Variants in EP400 observed in about 807,000 individuals in gnomAD.
EP400 encodes E1A-binding protein p400.
EP400 carries 105 observed loss-of-function variants against 354.1 expected under a neutral mutation model. The observed-to-expected ratio is 0.30, with a 90% confidence interval of 0.25 to 0.35. EP400 has a LOEUF of 0.35. EP400 is among the 10% of genes least tolerant of loss of function. The pLI is 1.00. For synonymous variants in EP400, 1,646 were observed against 1,716.9 expected, an observed-to-expected ratio of 0.96 and a Z score of 1.02; for missense variants, 3,280 against 4,121.0, an observed-to-expected ratio of 0.80 and a Z score of 5.59.
chr12:131,988,502 G>A (rs1892930826), intron 7 of EP400, among the ~76,000 whole-genome samples: 1 of 152,180 alleles, frequency 6.6e-6, no homozygotes, highest in African/African-American at 2.4e-5. Flanking sequence ...GCTGTCCTAG[G>A]CTTTCCTGCC....
Position 132,020,068 on chromosome 12 carries a change from T to C in EP400, c.4297T>C (p.Tyr1433His). Reference sequence around the variant, plus strand: ...ATCTAGGTTGTTTCAGCCTGTGCAGTATGGCCAGAAGCCCGAGGGTCGCAC... The same window carrying C: ...ATCTAGGTTGTTTCAGCCTGTGCAGCATGGCCAGAAGCCCGAGGGTCGCAC... ...KASRLFQPVQ[Y>H]GQKPEGRTVA... Residue 1433 changes from tyrosine (Y) to histidine (H), a missense_variant, in exon 22 of 53, where the codon TAT (tyrosine) becomes CAT (histidine). Physicochemically the swap from Tyr to His is moderately conservative, Grantham distance 83. Coordinates refer to ENST00000389561, the MANE Select transcript of EP400 (RefSeq NM_015409.5). The C allele has an allele frequency of 6.3e-7, 1 of 1,582,186 alleles. No individual in the cohort carries two copies. The highest frequency in any genetic ancestry group is 8.6e-7 in the Non-Finnish European group (1 of 1,163,464).
intron 51 of EP400, 127 bp from the exon 52 acceptor site, chr12:132,076,389 A>G (rs556415903): frequency 1.1e-6 from 1 of 929,074 alleles, no homozygotes; most frequent in South Asian, 1.4e-5. Flanking sequence ...CACTACGAGA[A>G]TTGCTCTTCT....
chr12:132,046,671 C>T (rs1314708844), intron 39 of EP400, among the ~76,000 whole-genome samples: 2 of 152,182 alleles, frequency 1.3e-5, no homozygotes, highest in African/African-American at 2.4e-5. Flanking sequence ...TACAGGCATG[C>T]GTGTGGCATG....
rs1896038436 is a variant in EP400 at position 132,070,602 on chromosome 12, A to G, written c.9021+961A>G. Among the ~76,000 whole-genome samples the G allele has an allele frequency of 6.6e-6, 1 of 152,242 alleles. No individual in the cohort carries two copies. Among genetic ancestry groups the G allele is most frequent in the African/African-American group, 2.4e-5 (1 of 41,462 alleles). The stretch of plus-strand genomic sequence containing the variant: ...TAGTTAGCTTAGTTCATACACTACA[A>G]TCAAAACTGCTGAAAGTTTTTATTA... On this transcript the variant is annotated intron_variant, in intron 51 of 52. Coordinates refer to ENST00000389561, the MANE Select transcript of EP400 (RefSeq NM_015409.5). The surrounding 1 kb of genome is among the most constrained non-coding windows in gnomAD (Gnocchi z 4.1).
At chr12:131,968,118 T>C (rs1428946973) in intron 2 of EP400, among the ~76,000 whole-genome samples, 1 of 152,234 alleles carries the variant, frequency 6.6e-6, no homozygotes, top group Non-Finnish European at 1.5e-5. Context: ...AAGTACAATT[T>C]ATCGTTTTTT....
intron 32 of EP400, among the ~76,000 whole-genome samples, chr12:132,039,354 C>T (rs977889000): frequency 6.6e-5 from 10 of 152,130 alleles, no homozygotes; most frequent in African/African-American, 2.4e-4. Context: ...AGACGGCTTC[C>T]ATGGTGGTGG....
At chr12:132,059,893 C>G (rs558134014) in intron 45 of EP400, among the ~76,000 whole-genome samples, 11 of 151,570 alleles carry the variant, frequency 7.3e-5, no homozygotes, top group Admixed American at 2.0e-4. Flanking sequence ...TGTGGTGGCA[C>G]GCGTGTGTAG....
At position 132,038,685 on chromosome 12, in the gene EP400, G is replaced by T. The variant is rs1486892322; in HGVS notation, c.6207+589G>T. On this transcript the variant is annotated intron_variant, in intron 32 of 52. Coordinates refer to ENST00000389561, the MANE Select transcript of EP400 (RefSeq NM_015409.5). This position sits in a 1 kb window ranked among gnomAD's most constrained non-coding sequence, Gnocchi z 4.2. ...GATAGAGGGCATGTTTGGGTCCTTT[G>T]ATTTTTCCCTTTTGGGGGTGCTGCT... Among the ~76,000 whole-genome samples, 1 of 152,246 alleles carries T rather than the reference G, an allele frequency of 6.6e-6. No individual in the cohort carries two copies. The highest frequency in any genetic ancestry group is 1.5e-5 in the Non-Finnish European group (1 of 68,042).
intron 30 of EP400, among the ~76,000 whole-genome samples, chr12:132,034,577 G>C (rs908767774): frequency 7.2e-5 from 11 of 152,220 alleles, no homozygotes; most frequent in African/African-American, 2.7e-4. Flanking sequence ...GCCCCACTAT[G>C]AGCCATGGGA....
Position 131,986,538 on chromosome 12 carries a change from G to A in EP400, c.1954G>A (p.Val652Met). Residue 652 changes from valine (V) to methionine (M), a missense_variant, in exon 6 of 53, where the codon GTG (valine) becomes ATG (methionine). By Grantham distance (21) the Val-to-Met change is conservative. Around this residue, in one of 20 missense-constraint regions of EP400, gnomAD observed 800 missense variants for 840.0 expected, o/e 0.95. Coordinates refer to ENST00000389561, the MANE Select transcript of EP400 (RefSeq NM_015409.5). Reference sequence around the variant, plus strand: ...GATGGTAGCATCGACAAGGCTCCCTGTGGACCCTGCCCCGCCCTGCCCACG... The same window carrying A: ...GATGGTAGCATCGACAAGGCTCCCTATGGACCCTGCCCCGCCCTGCCCACG... ...PQMVASTRLP[V>M]DPAPPCPRPL... 1.2e-6 allele frequency: 2 copies of A among 1,610,328 alleles called. No individual in the cohort carries two copies. Among genetic ancestry groups the A allele is most frequent in the South Asian group, 1.1e-5 (1 of 90,532 alleles).
rs753264340 is a variant in EP400, at chr12:131,960,805, G to A, written c.186G>A (p.Met62Ile). The A allele has an allele frequency of 2.5e-6, 4 of 1,612,950 alleles. No individual in the cohort carries two copies. The Admixed American group carries it at 6.7e-5, about 27-fold the overall frequency. Reference protein sequence around the residue: ...QSPSYQIQQLMNRSPATGQNV... With the variant: ...QSPSYQIQQLINRSPATGQNV... ...CCAGTTATCAAATACAGCAGCTGATGAATAGGAGCCCTGCAACCGGGCAGA... is the reference window on the plus strand; with the variant it reads ...CCAGTTATCAAATACAGCAGCTGATAAATAGGAGCCCTGCAACCGGGCAGA... The change falls in exon 2 of 53, where the codon ATG (methionine) becomes ATA (isoleucine). Residue 62 changes from methionine (M) to isoleucine (I), a missense_variant. Around this residue, in one of 20 missense-constraint regions of EP400, gnomAD observed 172 missense variants for 242.9 expected, o/e 0.71. Transcript: ENST00000389561.
Position 132,006,870 on chromosome 12 carries a change from T to C in EP400, c.3297T>C (p.Cys1099=). The C allele has an allele frequency of 1.9e-6, 3 of 1,613,938 alleles. No homozygotes were observed. Among genetic ancestry groups the C allele is most frequent in the Non-Finnish European group, 2.5e-6 (3 of 1,179,962 alleles). The change falls in exon 15 of 53, where the codon TGT becomes TGC. Residue 1099 remains cysteine, a synonymous_variant. Transcript: ENST00000389561. Reference sequence around the variant, plus strand: ...TTGCTTTTTTTGCCCACCTAGCTTGTAACGAAGGTAAGAGTTTGCTAGTTT... The same window carrying C: ...TTGCTTTTTTTGCCCACCTAGCTTGCAACGAAGGTAAGAGTTTGCTAGTTT... ...QIIAFFAHLA[C]NEGNWGPHLV...
At position 132,076,509 on chromosome 12, in the gene EP400, G is replaced by C. The variant is rs1221586605; in HGVS notation, c.9022-7G>C. The C allele has an allele frequency of 6.2e-7, 1 of 1,613,778 alleles. No homozygotes were observed. Among genetic ancestry groups the C allele is most frequent in the East Asian group, 2.2e-5 (1 of 44,880 alleles). ...TTGTATGTTTGGCTTTTTTTGTTTT[G>C]TCAAAGGTTGCAAAACTTCCTCAAG... On this transcript the variant is annotated splice_polypyrimidine_tract_variant and splice_region_variant and intron_variant, in intron 51 of 52. Coordinates refer to ENST00000389561, the MANE Select transcript of EP400 (RefSeq NM_015409.5).
chr12:132,011,276 C>T (rs1435451964), intron 15 of EP400, among the ~76,000 whole-genome samples: 1 of 152,214 alleles, frequency 6.6e-6, no homozygotes, highest in East Asian at 1.9e-4. Context: ...CTGGTGCAGG[C>T]TTGGTGCTTG....
At chr12:131,962,090 C>A in intron 2 of EP400, 136 bp downstream of exon 2, 1 of 1,205,052 alleles carries the variant, frequency 8.3e-7, no homozygotes, top group Non-Finnish European at 1.1e-6. Context: ...AAGGATTTGA[C>A]CCATAAGTAA....
intron 5 of EP400, among the ~76,000 whole-genome samples, chr12:131,983,135 A>T (rs1392841879): frequency 6.6e-6 from 1 of 152,152 alleles, no homozygotes; most frequent in Non-Finnish European, 1.5e-5. Flanking sequence ...GACCCATTCT[A>T]CCAGTGTGGA....
chr12:131,964,341 C>T (rs1892003179), intron 2 of EP400, among the ~76,000 whole-genome samples: 1 of 152,118 alleles, frequency 6.6e-6, no homozygotes, highest in East Asian at 1.9e-4. Context: ...GTGGTGCATG[C>T]CTATAATCCC....
At chr12:132,048,249 G>A (rs1033590655) in intron 39 of EP400, among the ~76,000 whole-genome samples, 5 of 152,226 alleles carry the variant, frequency 3.3e-5, no homozygotes, top group African/African-American at 1.2e-4. Flanking sequence ...CAAGGGTATT[G>A]ACTGGGGAAG....
intron 12 of EP400, among the ~76,000 whole-genome samples, chr12:131,999,740 C>T (rs1362662139): frequency 1.3e-5 from 2 of 152,160 alleles, no homozygotes; most frequent in Non-Finnish European, 2.9e-5. Context: ...GCCTGGCCCT[C>T]ATACATTAAA....
Sources: gnomAD v4.1 joint callset for allele counts (sites outside exome capture counted in the v4.1 genomes callset) on GRCh38, gnomAD v4.1.1 for gene constraint, gnomAD v4.1.1 regional missense constraint, Gnocchi (gnomAD v3.1) non-coding constraint, MANE v1.5 for transcripts, NCBI Gene and HGNC (gene_info 2026-07-23, HGNC 2026-07-21) for gene names.